The following NEK4 variants were observed in gnomAD, a reference collection of about 807,000 sequenced individuals.
The protein encoded by NEK4 is NIMA related kinase 4.
Under a neutral mutation model 98.4 loss-of-function variants are expected in NEK4, and 86 were observed. The ratio of observed to expected loss-of-function variants is 0.87; its 90% CI spans 0.73 to 1.05. The LOEUF (loss-of-function observed/expected upper bound fraction) is 1.05. NEK4 is among the 50% of genes least tolerant of loss of function. The pLI is 0.00. For synonymous variants in NEK4, 328 were observed against 342.2 expected, an observed-to-expected ratio of 0.96 and a Z score of 0.46; for missense variants, 898 against 950.3, an observed-to-expected ratio of 0.94 and a Z score of 0.72.
Position 52,763,712 on chromosome 3 carries a change from A to G in NEK4, c.667-88T>C. The G allele has an allele frequency of 3.1e-6, 3 of 953,058 alleles. No homozygotes were observed. In the South Asian group the frequency reaches 5.1e-5, roughly 16 times the overall value. The allele number at this position is 953,058 out of a possible 1,614,324, so 59.0% of individuals were successfully genotyped here. A position where few individuals can be genotyped will look rare whatever the true frequency, so the allele number is the denominator to read the frequency against. Reference sequence around the variant, plus strand: ...TAGAGGTTTCCCAATATTTATTTATAGTCATATGTCCACATAAGCAGAAAA... The same window carrying G: ...TAGAGGTTTCCCAATATTTATTTATGGTCATATGTCCACATAAGCAGAAAA... On this transcript the variant is annotated intron_variant, in intron 4 of 15. Coordinates refer to ENST00000233027, the MANE Select transcript of NEK4 (RefSeq NM_003157.6).
chr3:52,762,486 G>A (rs1698394328), intron 5 of NEK4, among the ~76,000 whole-genome samples: 1 of 152,100 alleles, frequency 6.6e-6, no homozygotes, highest in Admixed American at 6.6e-5. Flanking sequence ...ACCCTCTGAG[G>A]AATGTGACAG....
chr3:52,752,663 G>T (rs572195620), intron 6 of NEK4, among the ~76,000 whole-genome samples: 22 of 151,446 alleles, frequency 1.5e-4, no homozygotes, highest in Non-Finnish European at 3.1e-4. Context: ...AGTTTGGGAG[G>T]CCAAAGCAAG....
At chr3:52,769,711 G>A (rs1208453723) in intron 1 of NEK4, among the ~76,000 whole-genome samples, 7 of 152,212 alleles carry the variant, frequency 4.6e-5, no homozygotes, top group African/African-American at 1.4e-4. Context: ...AGCTTGCCTG[G>A]AGCAGTCCTA....
At chr3:52,763,055 A>G (rs1698418115) in intron 5 of NEK4, among the ~76,000 whole-genome samples, 1 of 152,236 alleles carries the variant, frequency 6.6e-6, no homozygotes, top group African/African-American at 2.4e-5. Flanking sequence ...TTCTATAAAC[A>G]GACCTTATTA....
intron 15 of NEK4, among the ~76,000 whole-genome samples, chr3:52,736,245 T>C (rs766066053): frequency 3.3e-5 from 5 of 152,212 alleles, no homozygotes; most frequent in African/African-American, 4.8e-5. Context: ...TTTCTTCTGA[T>C]ATTTTAAAAA....
chr3:52,743,187 TC>T, intron 12 of NEK4, 164 bp downstream of exon 12: 1 of 614,304 alleles, frequency 1.6e-6, no homozygotes, highest in South Asian at 2.0e-5. Flanking sequence ...TCAATCATAA[TC>T]CTTTTGACTA....
At chr3:52,736,631 T>C (rs929050261) in intron 15 of NEK4, among the ~76,000 whole-genome samples, 2 of 152,070 alleles carry the variant, frequency 1.3e-5, no homozygotes, top group African/African-American at 4.8e-5. Flanking sequence ...TTCATTCTTT[T>C]CTTTTTGTCC....
Position 52,711,851 on chromosome 3 carries a change from T to A in NEK4, c.2452A>T (p.Met818Leu). The A allele has an allele frequency of 6.2e-7, 1 of 1,605,292 alleles. No homozygotes were observed. Among genetic ancestry groups the A allele is most frequent in the Non-Finnish European group, 8.5e-7 (1 of 1,174,054 alleles). The stretch of plus-strand genomic sequence containing the variant: ...CTGTAAGTTGTATACTTTTCACCCA[T>A]GTGCTCCCGCAAACGTACCTATTTG... ...FDREVRLREH[M>L]GEKYTTYSVK... Residue 818 changes from methionine (M) to leucine (L), a missense_variant, in exon 16 of 16, where the codon ATG becomes TTG. Coordinates refer to ENST00000233027, the MANE Select transcript of NEK4 (RefSeq NM_003157.6).
At chr3:52,753,636 A>T in intron 6 of NEK4, 1 of 586,362 alleles carries the variant, frequency 1.7e-6, no homozygotes, top group Non-Finnish European at 3.4e-6. Flanking sequence ...CCAAAGAAAC[A>T]GCTGCCTTCT....
chr3:52,768,184 G>A (rs1325257250), intron 2 of NEK4, among the ~76,000 whole-genome samples, 154 bp downstream of exon 2: 20 of 152,158 alleles, frequency 1.3e-4, no homozygotes, highest in Admixed American at 1.3e-3. Flanking sequence ...AAGTTCCAAT[G>A]CTACAGAAAG....
chr3:52,752,439 T>C (rs770771024), intron 6 of NEK4, 103 bp from the exon 7 acceptor site: 227 of 1,105,302 alleles, frequency 2.1e-4, no homozygotes, highest in Non-Finnish European at 2.6e-4. Context: ...AAACATAGAA[T>C]TAACATATGA....
At chr3:52,734,343 G>A (rs1000534290) in intron 15 of NEK4, among the ~76,000 whole-genome samples, 12 of 151,898 alleles carry the variant, frequency 7.9e-5, no homozygotes, top group South Asian at 2.1e-4. Flanking sequence ...CCAGCTGCTC[G>A]GGAGGCTGAG....
chr3:52,759,105 GA>G (rs201147041), intron 6 of NEK4, among the ~76,000 whole-genome samples: 129 of 112,512 alleles, frequency 1.1e-3, no homozygotes, highest in African/African-American at 1.2e-3. Flanking sequence ...AAAGAAAAAA[GA>G]AAAAAAAAAA....
rs749114859 is a variant in NEK4 at position 52,743,343 on chromosome 3, G to A, written c.2004+9C>T. ...TGTCCACCTTCTCTCTTAGGAGTACGTAATGCACCTGAGTGACGCTGCAGT... is the reference window on the plus strand; with the variant it reads ...TGTCCACCTTCTCTCTTAGGAGTACATAATGCACCTGAGTGACGCTGCAGT... On this transcript the variant is annotated intron_variant, in intron 12 of 15. Transcript: ENST00000233027. The A allele has an allele frequency of 6.2e-6, 10 of 1,604,776 alleles. No homozygotes were observed. The highest frequency in any genetic ancestry group is 1.3e-5 in the African/African-American group (1 of 74,730).
At chr3:52,733,386 C>A in intron 15 of NEK4, 1 of 367,086 alleles carries the variant, frequency 2.7e-6, no homozygotes, top group South Asian at 2.5e-5. Flanking sequence ...TGTGGTAAAG[C>A]ATTTAAAGAG....
intron 15 of NEK4, among the ~76,000 whole-genome samples, chr3:52,723,580 T>C (rs1368675140): frequency 6.6e-6 from 1 of 152,026 alleles, no homozygotes; most frequent in African/African-American, 2.4e-5. Context: ...GTACAATAAC[T>C]GCAATGAAAA....
chr3:52,764,774 ACATG>A (rs1172079677), intron 4 of NEK4, among the ~76,000 whole-genome samples: 68 of 78,858 alleles, frequency 8.6e-4, no homozygotes, highest in African/African-American at 5.1e-3. Flanking sequence ...ACACACACAC[ACATG>A]CACACACACA....
intron 12 of NEK4, among the ~76,000 whole-genome samples, chr3:52,741,820 G>T (rs572985372): frequency 6.6e-6 from 1 of 151,248 alleles, no homozygotes; most frequent in Admixed American, 6.6e-5. Context: ...TTGCTCTGTC[G>T]CCAGGCTAGA....
intron 2 of NEK4, among the ~76,000 whole-genome samples, chr3:52,768,081 T>C (rs767563449): frequency 4.6e-5 from 7 of 152,160 alleles, no homozygotes; most frequent in Non-Finnish European, 7.3e-5. Flanking sequence ...GTCCTTAAAA[T>C]TGACTTTGCT....
Sources: allele counts gnomAD v4.1 joint callset (sites outside exome capture counted in the v4.1 genomes callset), GRCh38; gene constraint gnomAD v4.1.1; transcripts MANE v1.5; gene names NCBI Gene and HGNC (gene_info 2026-07-23, HGNC 2026-07-21).